The following ANO3 variants were observed in gnomAD, a reference collection of about 807,000 sequenced individuals.
ANO3 encodes anoctamin-3.
ANO3 carries 99 observed loss-of-function variants against 144.8 expected under a neutral mutation model. That is an observed-to-expected ratio of 0.68 (90% confidence interval 0.58 to 0.81). ANO3 has a LOEUF of 0.81. Among genes scored for constraint, ANO3 ranks in the 30% least tolerant of loss-of-function variants. The probability of loss-of-function intolerance (pLI) is 0.00; values close to 1 mark genes in which losing one functional copy is unlikely to be tolerated. For synonymous variants in ANO3, 414 were observed against 392.6 expected, an observed-to-expected ratio of 1.05 and a Z score of -0.64; for missense variants, 905 against 1,202.2, an observed-to-expected ratio of 0.75 and a Z score of 3.66.
intron 4 of ANO3, among the ~76,000 whole-genome samples, chr11:26,490,880 A>C (rs542868822): frequency 6.6e-6 from 1 of 152,346 alleles, no homozygotes; most frequent in East Asian, 1.9e-4. Context: ...CTCACCTTGA[A>C]CAGCGTTTTA....
intron 1 of ANO3, among the ~76,000 whole-genome samples, chr11:26,311,334 T>C (rs1854498255): frequency 6.6e-6 from 1 of 152,202 alleles, no homozygotes. Flanking sequence ...TAACTAGTGT[T>C]CTAGCTGCTT....
intron 4 of ANO3, among the ~76,000 whole-genome samples, chr11:26,470,700 C>T (rs1472378685): frequency 6.6e-6 from 1 of 151,800 alleles, no homozygotes; most frequent in Non-Finnish European, 1.5e-5. Flanking sequence ...AAATATCTAG[C>T]TGGTTTTCAT....
At chr11:26,655,748 AT>A (rs1853666291) in intron 24 of ANO3, among the ~76,000 whole-genome samples, 2 of 152,186 alleles carry the variant, frequency 1.3e-5, no homozygotes, top group Non-Finnish European at 2.9e-5. Flanking sequence ...TAAGTAAAAA[AT>A]AAGCAATGTT....
intron 1 of ANO3, chr11:26,189,415 T>C: frequency 1.2e-6 from 1 of 801,752 alleles, no homozygotes; most frequent in Non-Finnish European, 1.5e-6. Flanking sequence ...TAAATAAATG[T>C]TGATGTCATC....
chr11:26,524,515 G>T (rs932753157), intron 6 of ANO3, among the ~76,000 whole-genome samples: 5 of 152,012 alleles, frequency 3.3e-5, no homozygotes, highest in Admixed American at 6.6e-5. Flanking sequence ...CTGCTTTCTA[G>T]GTACCACAGC....
At chr11:26,359,274 G>A (rs1343866241) in intron 1 of ANO3, among the ~76,000 whole-genome samples, 1 of 152,186 alleles carries the variant, frequency 6.6e-6, no homozygotes, top group South Asian at 2.1e-4. Context: ...GGTGGGACCA[G>A]GATAGTGCTC....
intron 1 of ANO3, among the ~76,000 whole-genome samples, chr11:26,421,292 A>G (rs2133997986): frequency 6.6e-6 from 1 of 152,214 alleles, no homozygotes; most frequent in East Asian, 1.9e-4. Context: ...TACTCTTTTC[A>G]AGAGGACAGA....
chr11:26,460,732 A>C (rs1413391780), intron 3 of ANO3, among the ~76,000 whole-genome samples: 1 of 151,994 alleles, frequency 6.6e-6, no homozygotes, highest in Non-Finnish European at 1.5e-5. Flanking sequence ...CTCTGCCTAG[A>C]AAACTAAATT....
At chr11:26,544,572 T>G (rs1314314263) in intron 11 of ANO3, among the ~76,000 whole-genome samples, 1 of 116,830 alleles carries the variant, frequency 8.6e-6, no homozygotes, top group Non-Finnish European at 1.8e-5. Flanking sequence ...GCTTGAAAAT[T>G]GCTGAGTACA....
At chr11:26,455,059 T>C (rs1171938320) in intron 3 of ANO3, among the ~76,000 whole-genome samples, 1 of 152,100 alleles carries the variant, frequency 6.6e-6, no homozygotes, top group Non-Finnish European at 1.5e-5. Context: ...AATTAGGTAT[T>C]GATGGGACAT....
chr11:26,213,685 G>A (rs1457323554), intron 1 of ANO3, among the ~76,000 whole-genome samples: 1 of 152,082 alleles, frequency 6.6e-6, no homozygotes, highest in Non-Finnish European at 1.5e-5. Context: ...CCAATATCAT[G>A]AAAATGGCCA....
chr11:26,270,628 A>G (rs2133835775), intron 1 of ANO3, among the ~76,000 whole-genome samples: 1 of 152,334 alleles, frequency 6.6e-6, no homozygotes, highest in Admixed American at 6.5e-5. Flanking sequence ...TTTTAGAAAT[A>G]TATTACGAAT....
intron 14 of ANO3, chr11:26,565,198 T>C: frequency 6.6e-7 from 1 of 1,508,000 alleles, no homozygotes; most frequent in Non-Finnish European, 8.9e-7. Context: ...GGAAAGAGTT[T>C]TGAATTATTG....
intron 1 of ANO3, among the ~76,000 whole-genome samples, chr11:26,347,025 T>A (rs767766483): frequency 6.6e-6 from 1 of 152,224 alleles, no homozygotes; most frequent in African/African-American, 2.4e-5. Context: ...CCCATATTTA[T>A]GTTTTGGAAG....
At chr11:26,256,918 T>C (rs1853070705) in intron 1 of ANO3, among the ~76,000 whole-genome samples, 1 of 152,132 alleles carries the variant, frequency 6.6e-6, no homozygotes, top group Admixed American at 6.6e-5. Flanking sequence ...AGGCAGATGC[T>C]GCCAGTATCT....
chr11:26,627,841 G>GTGTGTGTGTA (rs1554981562), intron 18 of ANO3, among the ~76,000 whole-genome samples: 8 of 144,000 alleles, frequency 5.6e-5, no homozygotes, highest in African/African-American at 2.1e-4. Context: ...GTGTGTGTGT[G>GTGTGTGTGTA]TGTGTGTGTG....
chr11:26,309,414 C>A (rs1437530110), upstream of ANO3, among the ~76,000 whole-genome samples: 1 of 152,126 alleles, frequency 6.6e-6, no homozygotes, highest in Non-Finnish European at 1.5e-5. Context: ...AATCAGCTTG[C>A]ATAACAGTGA....
chr11:26,245,746 T>C (rs1013149334), intron 1 of ANO3, among the ~76,000 whole-genome samples: 1 of 152,208 alleles, frequency 6.6e-6, no homozygotes, highest in Non-Finnish European at 1.5e-5. Context: ...GATTACCCAA[T>C]ATCCCGATTG....
At chr11:26,209,926 A>G (rs1021529044) in intron 1 of ANO3, among the ~76,000 whole-genome samples, 1 of 147,262 alleles carries the variant, frequency 6.8e-6, no homozygotes, top group African/African-American at 2.4e-5. Context: ...ATTTGCTCCC[A>G]TTCTGTAGGT....
Sources: allele counts gnomAD v4.1 joint callset (sites outside exome capture counted in the v4.1 genomes callset), GRCh38; gene constraint gnomAD v4.1.1; transcripts MANE v1.5; gene names NCBI Gene and HGNC (gene_info 2026-07-23, HGNC 2026-07-21).